Variants in TRIO observed in about 807,000 individuals in gnomAD.
TRIO encodes the protein triple functional domain protein.
Under a neutral mutation model 351.9 loss-of-function variants are expected in TRIO, and 58 were observed. The ratio of observed to expected loss-of-function variants is 0.16; its 90% CI spans 0.13 to 0.21. TRIO has a LOEUF of 0.21. TRIO is among the 10% of genes least tolerant of loss of function. The pLI, the probability that TRIO is intolerant of heterozygous loss-of-function variation, is 1.00. For synonymous variants in TRIO, 1,758 were observed against 1,595.7 expected, an observed-to-expected ratio of 1.10 and a Z score of -2.42; for missense variants, 3,201 against 4,027.8, an observed-to-expected ratio of 0.79 and a Z score of 5.56.
chr5:14,488,192 G>C lies in TRIO; in HGVS notation c.7564G>C (p.Asp2522His). 1.3e-6 allele frequency: 2 copies of C among 1,598,458 alleles called. No homozygotes were observed. The highest frequency in any genetic ancestry group is 1.7e-6 in the Non-Finnish European group (2 of 1,178,282). ...ACCCCGCCACGCGGCCCCTGGCAAG[G>C]ATACTGACCGCATGAGCACGTGCTC... is the stretch of plus-strand genomic sequence containing the variant. ...QTPRHAAPGK[D>H]TDRMSTCSSA... The change falls in exon 48 of 57, where the codon GAT (aspartate) becomes CAT (histidine). Residue 2522 changes from aspartate to histidine, a missense_variant. By Grantham distance (81) the Asp-to-His change is moderately conservative. Coordinates refer to ENST00000344204, the MANE Select transcript of TRIO (RefSeq NM_007118.4).
chr5:14,377,853 A>T (rs30769), intron 19 of TRIO, among the ~76,000 whole-genome samples, 159 bp from the exon 20 acceptor site: 2 of 152,150 alleles, frequency 1.3e-5, no homozygotes, highest in East Asian at 1.9e-4. Flanking sequence ...GAGGTCTGGT[A>T]GACATGCTCA....
chr5:14,507,317 G>A (rs1489534206), intron 56 of TRIO, 57 bp downstream of exon 56: 28 of 1,593,990 alleles, frequency 1.8e-5, no homozygotes, highest in South Asian at 2.3e-5. Flanking sequence ...TTGGCCATGC[G>A]GGACACAGAG....
intron 1 of TRIO, among the ~76,000 whole-genome samples, chr5:14,231,392 A>G (rs766953047): frequency 3.9e-5 from 6 of 152,246 alleles, no homozygotes; most frequent in Non-Finnish European, 7.3e-5. Flanking sequence ...TGGATTTCAC[A>G]TTGAGTAGTA....
chr5:14,310,995 A>G (rs1204615422), intron 8 of TRIO, among the ~76,000 whole-genome samples: 1 of 152,204 alleles, frequency 6.6e-6, no homozygotes, highest in African/African-American at 2.4e-5. Context: ...TGTCACTTCC[A>G]TCACAGTTGT....
intron 34 of TRIO, among the ~76,000 whole-genome samples, chr5:14,447,802 A>G (rs1397442068): frequency 6.6e-6 from 1 of 152,236 alleles, no homozygotes; most frequent in Non-Finnish European, 1.5e-5. Context: ...CTCTGTGTTT[A>G]ATGTCAAGAA....
intron 1 of TRIO, among the ~76,000 whole-genome samples, chr5:14,190,761 T>A (rs1239984206): frequency 6.6e-6 from 1 of 151,332 alleles, no homozygotes; most frequent in Non-Finnish European, 1.5e-5. Flanking sequence ...CTGACTAAAT[T>A]AAAAAAAAAT....
chr5:14,343,364 C>T (rs1040913042), intron 11 of TRIO, among the ~76,000 whole-genome samples: 3 of 152,204 alleles, frequency 2.0e-5, no homozygotes, highest in Admixed American at 2.0e-4. Context: ...AGAATTTTCC[C>T]ATCATCAAAG....
At chr5:14,251,405 T>C (rs1794738882) in intron 1 of TRIO, among the ~76,000 whole-genome samples, 1 of 152,156 alleles carries the variant, frequency 6.6e-6, no homozygotes, top group Non-Finnish European at 1.5e-5. Flanking sequence ...TAATTAAAAA[T>C]CATGGCACCC....
chr5:14,197,257 G>C (rs1382269708), intron 1 of TRIO, among the ~76,000 whole-genome samples: 2 of 151,994 alleles, frequency 1.3e-5, no homozygotes, highest in African/African-American at 2.4e-5. Context: ...ATACTGATTT[G>C]TTGTGCCTGC....
chr5:14,423,970 G>C (rs1186203653), intron 34 of TRIO, among the ~76,000 whole-genome samples: 2 of 147,346 alleles, frequency 1.4e-5, no homozygotes, highest in African/African-American at 5.2e-5. Flanking sequence ...CTTTAACCAG[G>C]AGTTTGAGAC....
At chr5:14,310,328 C>G (rs1475212265) in intron 8 of TRIO, among the ~76,000 whole-genome samples, 1 of 152,254 alleles carries the variant, frequency 6.6e-6, no homozygotes, top group Non-Finnish European at 1.5e-5. Context: ...AGCCACACAT[C>G]CACCAAAGGG....
chr5:14,209,564 C>G (rs1215950536), intron 1 of TRIO, among the ~76,000 whole-genome samples: 1 of 152,062 alleles, frequency 6.6e-6, no homozygotes, highest in Admixed American at 6.5e-5. Context: ...TGGGTTAAAC[C>G]AGTGGTTGAT....
At position 14,387,731 on chromosome 5, in the gene TRIO, G is replaced by T; in HGVS notation, c.3766-1G>T. 1 of 1,614,168 alleles carries T rather than the reference G, an allele frequency of 6.2e-7. No homozygotes were observed. Among genetic ancestry groups the T allele is most frequent in the South Asian group, 1.1e-5 (1 of 91,072 alleles). On this transcript the variant is annotated splice_acceptor_variant, in intron 22 of 56. Transcript: ENST00000344204. LOFTEE classifies it high-confidence loss of function. ...AGTTCATTGGCTCTGTTATTCCACA[G>T]AGTAAAAGTCTCCAGCTAGATATCA...
chr5:14,481,647 C>T (rs1386051222), intron 45 of TRIO, 29 bp downstream of exon 45: 1 of 1,608,438 alleles, frequency 6.2e-7, no homozygotes, highest in East Asian at 2.2e-5. Flanking sequence ...TTTAAGAGAG[C>T]TCCTCTGCCT....
At chr5:14,281,909 A>G (rs150674770) in intron 3 of TRIO, among the ~76,000 whole-genome samples, 4 of 152,322 alleles carry the variant, frequency 2.6e-5, no homozygotes, top group Admixed American at 6.5e-5. Context: ...TAAAGGTAAT[A>G]GATCTACCAC....
intron 29 of TRIO, chr5:14,397,443 G>T: frequency 3.1e-6 from 1 of 317,770 alleles, no homozygotes; most frequent in Non-Finnish European, 5.9e-6. Flanking sequence ...CCTGTTAGAT[G>T]GATGGGTAGG....
chr5:14,475,302 G>T (rs1051327558), intron 40 of TRIO, among the ~76,000 whole-genome samples: 3 of 152,134 alleles, frequency 2.0e-5, no homozygotes, highest in South Asian at 4.1e-4. Context: ...TCTGCTCAGG[G>T]TGGAGCACGA....
At chr5:14,174,498 G>A (rs996405781) in intron 1 of TRIO, among the ~76,000 whole-genome samples, 12 of 152,186 alleles carry the variant, frequency 7.9e-5, no homozygotes, top group African/African-American at 2.4e-4. Flanking sequence ...GTTCAAGACA[G>A]GATTGATGAG....
intron 34 of TRIO, among the ~76,000 whole-genome samples, chr5:14,459,925 C>CT (rs1228668331): frequency 6.7e-6 from 1 of 150,316 alleles, no homozygotes; most frequent in Non-Finnish European, 1.5e-5. Context: ...TTTCTTTTTT[C>CT]TTTTTTTGGG....
Sources: allele counts gnomAD v4.1 joint callset (sites outside exome capture counted in the v4.1 genomes callset), GRCh38; gene constraint gnomAD v4.1.1; transcripts MANE v1.5; gene names NCBI Gene and HGNC (gene_info 2026-07-23, HGNC 2026-07-21).